The following ECHDC2 variants were observed in gnomAD, a reference collection of about 807,000 sequenced individuals.
The protein encoded by ECHDC2 is enoyl-CoA hydratase domain-containing protein 2, mitochondrial.
ECHDC2 carries 34 observed loss-of-function variants against 40.6 expected under a neutral mutation model. That is an observed-to-expected ratio of 0.84 (90% CI 0.64 to 1.11). The LOEUF is 1.11. ECHDC2 is among the 50% of genes most tolerant of loss of function. The probability of loss-of-function intolerance (pLI) is 0.00; values close to 1 mark genes in which losing one functional copy is unlikely to be tolerated. For missense variants in ECHDC2, 392 were observed against 400.7 expected (o/e 0.98, Z 0.19); for synonymous variants, 162 against 166.6 (o/e 0.97, Z 0.21).
At chr1:52,905,287 C>T (rs945521617) in intron 5 of ECHDC2, 197 bp from the exon 6 acceptor site, 2 of 598,402 alleles carry the variant, frequency 3.3e-6, no homozygotes, top group African/African-American at 1.9e-5. Context: ...CCTTATTTCA[C>T]CATGCCCCTT....
chr1:52,910,492 C>A (rs1014443869), intron 3 of ECHDC2, among the ~76,000 whole-genome samples: 1 of 149,744 alleles, frequency 6.7e-6, no homozygotes, highest in Non-Finnish European at 1.5e-5. Context: ...TCTCAGCCTC[C>A]TGAGTAGCTG....
chr1:52,908,031 C>T (rs1284863476), intron 3 of ECHDC2, 77 bp from the exon 4 acceptor site: 4 of 1,338,382 alleles, frequency 3.0e-6, no homozygotes, highest in Non-Finnish European at 4.3e-6. Context: ...AAGGATCCAG[C>T]AAAGAAGACC....
chr1:52,904,693 C>T lies in ECHDC2; in HGVS notation c.655G>A (p.Ala219Thr), dbSNP rs374325049. The change falls in exon 7 of 10, where the codon GCC (alanine) becomes ACC (threonine). Residue 219 changes from alanine to threonine, a missense_variant. Transcript: ENST00000371522. The part of the protein sequence containing the change: ...HAVAQNEEGD[A>T]AYQRARALAQ... The stretch of plus-strand genomic sequence containing the variant: ...AGTGCTCGTGCCCGCTGGTAGGCGG[C>T]GTCCCCCTCCTCGTTCTGGGCCACA... 1.2e-5 allele frequency: 20 copies of T among 1,610,928 alleles called. No individual in the cohort carries two copies. The African/African-American group carries it at 1.7e-4, about 14-fold the overall frequency.
At chr1:52,903,441 C>CTTTTTG (rs1647121557) in intron 7 of ECHDC2, among the ~76,000 whole-genome samples, 1 of 151,024 alleles carries the variant, frequency 6.6e-6, no homozygotes, top group Non-Finnish European at 1.5e-5. Context: ...TTTTTTTTGG[C>CTTTTTG]TTTTTGTTTT....
intron 1 of ECHDC2, chr1:52,920,731 A>C: frequency 1.8e-6 from 1 of 555,206 alleles, no homozygotes; most frequent in East Asian, 3.1e-5. Context: ...TACATTTAAG[A>C]ATAAACTTTT....
chr1:52,921,454 C>T, intron 1 of ECHDC2, 99 bp downstream of exon 1: 1 of 1,461,726 alleles, frequency 6.8e-7, no homozygotes, highest in Non-Finnish European at 9.0e-7. Context: ...GACTGGGGAT[C>T]GAATCCTTCA....
At chr1:52,904,309 T>C (rs1170238430) in intron 7 of ECHDC2, among the ~76,000 whole-genome samples, 1 of 152,214 alleles carries the variant, frequency 6.6e-6, no homozygotes, top group Non-Finnish European at 1.5e-5. Context: ...AGGAACTGCA[T>C]TCATTTTCTG....
rs147081577 is a variant in ECHDC2, at chr1:52,914,042, C to T, written c.122-2252G>A. The T allele has an allele frequency of 3.5e-6, 4 of 1,136,694 alleles. No homozygotes were observed. The highest frequency in any genetic ancestry group is 2.4e-5 in the Admixed American group (1 of 42,320). The allele number at this position is 1,136,694 out of a possible 1,614,324, so 70.4% of individuals were successfully genotyped here. ...CTGTGTGCTGGCCTCTACTAGACAC[C>T]GTGATTCCAGAGACCAGGACAGACT... On this transcript the variant is annotated intron_variant, in intron 1 of 9. Transcript: ENST00000371522. The surrounding 1 kb of genome is among the most constrained non-coding windows in gnomAD (Gnocchi z 4.0).
chr1:52,915,072 C>A, intron 1 of ECHDC2: 1 of 373,336 alleles, frequency 2.7e-6, no homozygotes, highest in Non-Finnish European at 5.4e-6. Flanking sequence ...CCCCAATTCA[C>A]CCCCGCCATC....
intron 9 of ECHDC2, 119 bp downstream of exon 9, chr1:52,897,318 A>G: frequency 9.7e-7 from 1 of 1,025,756 alleles, no homozygotes; most frequent in South Asian, 1.3e-5. Flanking sequence ...GGGACGATGG[A>G]TGCGGTCAGA....
chr1:52,920,758 A>C (rs545047982), intron 1 of ECHDC2, among the ~76,000 whole-genome samples: 4 of 152,006 alleles, frequency 2.6e-5, no homozygotes, highest in East Asian at 3.9e-4. Flanking sequence ...AAAAAAAAAG[A>C]AGCAATACAA....
Position 52,918,843 on chromosome 1 carries a change from CA to C in ECHDC2, c.121+2709del, listed in dbSNP as rs576525209. Among the ~76,000 whole-genome samples, 100 of 152,152 alleles carry C rather than the reference CA, an allele frequency of 6.6e-4. 1 individual carries two copies. The highest frequency in any genetic ancestry group is 2.2e-3 in the African/African-American group (92 of 41,464). Reference sequence around the variant, plus strand: ...AGTAGTGTACAGTAATGTCCTAGGCCAGGGGTCCCCAACCCCCGGGCTGTGG... The same window carrying C: ...AGTAGTGTACAGTAATGTCCTAGGCCGGGGTCCCCAACCCCCGGGCTGTGG... On this transcript the variant is annotated intron_variant, in intron 1 of 9. Transcript: ENST00000371522.
rs112225871 is a variant in ECHDC2, at chr1:52,906,914, G to A, written c.365-303C>T. 332 of 176,292 alleles carry A rather than the reference G, an allele frequency of 1.9e-3. 2 individuals are homozygous for A. Among genetic ancestry groups the A allele is most frequent in the African/African-American group, 7.3e-3 (303 of 41,488 alleles). The allele number at this position is 176,292 out of a possible 1,614,324, so 10.9% of individuals were successfully genotyped here. On this transcript the variant is annotated intron_variant, in intron 4 of 9. Transcript: ENST00000371522. ...TGAGTAGCTGGGATTACAGATGTGC[G>A]CCACCACGCCCAGCTAATTTTTTTG...
In ECHDC2 at chr1:52,921,570, A is replaced by C. The variant is rs1651912000; in HGVS notation, c.104T>G (p.Leu35Arg). ...AGGSEIQVRA[L>R]AGPDQGITEI... is the part of the protein sequence containing the mutation. ...ACATTTACCTTGGTCCGGACCCGCCAGGGCGCGCACTTGGATCTCTGAGCC... is the reference window on the plus strand; with the variant it reads ...ACATTTACCTTGGTCCGGACCCGCCCGGGCGCGCACTTGGATCTCTGAGCC... The change falls in exon 1 of 10, where the codon CTG becomes CGG. Residue 35 changes from leucine (L) to arginine (R), a missense_variant. Leu to Arg is a moderately radical substitution (Grantham distance 102). Transcript: ENST00000371522. The C allele has an allele frequency of 6.2e-7, 1 of 1,609,788 alleles. No homozygotes were observed. The highest frequency in any genetic ancestry group is 8.5e-7 in the Non-Finnish European group (1 of 1,178,626).
chr1:52,908,287 A>G (rs1648471468), intron 3 of ECHDC2, among the ~76,000 whole-genome samples: 1 of 152,120 alleles, frequency 6.6e-6, no homozygotes. Flanking sequence ...AGGCAGGTGC[A>G]TCACCTGAGG....
chr1:52,897,167 G>T, intron 9 of ECHDC2: 2 of 535,004 alleles, frequency 3.7e-6, no homozygotes, highest in South Asian at 2.5e-5. Flanking sequence ...CAAAAGATGT[G>T]GTTCTTCCTC....
rs920752691 is a variant in ECHDC2, at chr1:52,897,354, A to G, written c.801+83T>C. ...CTGTTTGTGTTGAGAAGAACCTTCT[A>G]AAATTGGTCATGTACCATACAAAGT... is the stretch of plus-strand genomic sequence containing the variant. On this transcript the variant is annotated intron_variant, in intron 9 of 9. Coordinates refer to ENST00000371522, the MANE Select transcript of ECHDC2 (RefSeq NM_001198961.2). 5.1e-6 allele frequency: 7 copies of G among 1,373,014 alleles called. No homozygotes were observed. The African/African-American group carries it at 8.6e-5, about 17-fold the overall frequency. 85.1% of individuals were successfully genotyped at this position (1,373,014 alleles called of 1,614,324 possible).
chr1:52,899,306 A>G, intron 7 of ECHDC2, 82 bp from the exon 8 acceptor site: 1 of 1,322,938 alleles, frequency 7.6e-7, no homozygotes, highest in Admixed American at 1.9e-5. Context: ...TTTGTTTTAA[A>G]GGAGGGAGGC....
intron 4 of ECHDC2, 199 bp downstream of exon 4, chr1:52,907,669 C>A (rs1571952916): frequency 1.8e-6 from 1 of 551,898 alleles, no homozygotes; most frequent in South Asian, 2.5e-5. Context: ...GGGCGGGACA[C>A]AAAAGCTGAA....
Sources: allele counts gnomAD v4.1 joint callset (sites outside exome capture counted in the v4.1 genomes callset), GRCh38; gene constraint gnomAD v4.1.1; non-coding constraint Gnocchi (gnomAD v3.1); transcripts MANE v1.5; gene names NCBI Gene and HGNC (gene_info 2026-07-23, HGNC 2026-07-21).